The following TOX3 variants were observed in gnomAD, a reference collection of about 807,000 sequenced individuals.
The protein encoded by TOX3 is TOX high mobility group box family member 3, also known as CAG trinucleotide repeat-containing gene F9 protein.
A neutral mutation model predicts 64.3 loss-of-function variants in TOX3; 22 were observed. The ratio of observed to expected loss-of-function variants is 0.34; its 90% CI spans 0.24 to 0.49. The LOEUF (loss-of-function observed/expected upper bound fraction) is 0.49. TOX3 is among the 20% of genes least tolerant of loss of function. The pLI, the probability that TOX3 is intolerant of heterozygous loss-of-function variation, is 0.99. For missense variants in TOX3, 661 were observed against 714.4 expected (o/e 0.93, Z 0.85); for synonymous variants, 291 against 273.6 (o/e 1.06, Z -0.63).
chr16:52,519,572 C>T, intron 1 of TOX3: 2 of 1,476,866 alleles, frequency 1.4e-6, no homozygotes, highest in Non-Finnish European at 9.0e-7. Flanking sequence ...GAGAGAAATG[C>T]ATCCTAGCTG....
intron 1 of TOX3, among the ~76,000 whole-genome samples, chr16:52,543,087 A>G (rs1480209556): frequency 6.6e-6 from 1 of 152,216 alleles, no homozygotes; most frequent in African/African-American, 2.4e-5. Flanking sequence ...AAATATGCAG[A>G]AATAGCTAGT....
At chr16:52,533,276 A>G (rs1240325787) in intron 1 of TOX3, among the ~76,000 whole-genome samples, 6 of 152,116 alleles carry the variant, frequency 3.9e-5, no homozygotes, top group African/African-American at 1.2e-4. Flanking sequence ...TCTCAGGCCC[A>G]CCCCAGACCC....
intron 5 of TOX3, 86 bp from the exon 6 acceptor site, chr16:52,444,442 C>T (rs1960104066): frequency 1.7e-6 from 2 of 1,164,126 alleles, no homozygotes; most frequent in East Asian, 2.7e-5. Flanking sequence ...GTCACATAAA[C>T]ACAACTCACA....
chr16:52,450,658 C>T, intron 3 of TOX3, 112 bp from the exon 4 acceptor site: 1 of 1,340,272 alleles, frequency 7.5e-7, no homozygotes, highest in Non-Finnish European at 1.0e-6. Context: ...GTTGATAGGT[C>T]TGACCTATTG....
intron 2 of TOX3, among the ~76,000 whole-genome samples, chr16:52,465,477 T>G (rs112274190): frequency 0.018 from 2,690 of 148,578 alleles, 88 homozygotes; most frequent in African/African-American, 0.063. Flanking sequence ...TTGGTTTTTT[T>G]TTTTTTTTTT....
chr16:52,486,721 C>T (rs1480497285), intron 1 of TOX3, among the ~76,000 whole-genome samples: 1 of 152,098 alleles, frequency 6.6e-6, no homozygotes, highest in African/African-American at 2.4e-5. Context: ...CAGCTGAGCC[C>T]TGGAGTTCGA....
chr16:52,532,531 G>A (rs1244429308), intron 1 of TOX3, among the ~76,000 whole-genome samples: 1 of 152,216 alleles, frequency 6.6e-6, no homozygotes, highest in Non-Finnish European at 1.5e-5. Context: ...AAACACATAA[G>A]AGACCCAGAA....
intron 1 of TOX3, among the ~76,000 whole-genome samples, chr16:52,519,832 C>T (rs373223509): frequency 1.8e-3 from 271 of 151,940 alleles, no homozygotes; most frequent in African/African-American, 6.0e-3. Flanking sequence ...CAGGGTGGCA[C>T]GCATCCACAG....
chr16:52,506,450 G>C (rs1331654640), intron 1 of TOX3, among the ~76,000 whole-genome samples: 1 of 152,110 alleles, frequency 6.6e-6, no homozygotes, highest in Non-Finnish European at 1.5e-5. Context: ...ACCAAGCAAT[G>C]TATCAGATTG....
At chr16:52,450,821 GA>G (rs1960320180) in intron 3 of TOX3, among the ~76,000 whole-genome samples, 1 of 55,846 alleles carries the variant, frequency 1.8e-5, no homozygotes, top group African/African-American at 5.4e-5. Flanking sequence ...AGGAAGGAAG[GA>G]AGGAAGGAAG....
At chr16:52,463,102 T>C (rs1960742197) in intron 3 of TOX3, among the ~76,000 whole-genome samples, 1 of 152,176 alleles carries the variant, frequency 6.6e-6, no homozygotes, top group African/African-American at 2.4e-5. Context: ...AGAGGATTTG[T>C]TTTTTGTTAT....
At position 52,546,819 on chromosome 16, in the gene TOX3, C is replaced by A; in HGVS notation, c.-96G>T. 7.8e-7 allele frequency: 1 copy of A among 1,276,042 alleles called. No individual in the cohort carries two copies. 79.0% of individuals were successfully genotyped at this position (1,276,042 alleles called of 1,614,324 possible). A position where few individuals can be genotyped will look rare whatever the true frequency, so the allele number is the denominator to read the frequency against. On this transcript the variant is annotated 5_prime_UTR_variant, in exon 1 of 7. Transcript: ENST00000219746. ...CGCTAGATCCACCGTCGAGGGCGCC[C>A]GGGGGTGGCGCGTGGGACTCGCGGC...
At chr16:52,469,790 T>G (rs1376192960) in intron 1 of TOX3, among the ~76,000 whole-genome samples, 1 of 152,120 alleles carries the variant, frequency 6.6e-6, no homozygotes, top group Non-Finnish European at 1.5e-5. Flanking sequence ...AACTAACACT[T>G]ATTTCTGGGG....
intron 1 of TOX3, among the ~76,000 whole-genome samples, chr16:52,539,446 G>C (rs931657811): frequency 2.0e-5 from 3 of 152,180 alleles, no homozygotes; most frequent in Non-Finnish European, 4.4e-5. Context: ...CACATTCCTT[G>C]TTTATGTCAT....
Position 52,439,603 on chromosome 16 carries a change from C to CTGTTGT in TOX3, c.1352_1353insACAACA (p.Gln454_Gln455dup). On this transcript the variant is annotated inframe_insertion, in exon 7 of 7. Coordinates refer to ENST00000219746, the MANE Select transcript of TOX3 (RefSeq NM_001080430.4). ...GCATCTGTTGCATCTGTTGTTGTTG[C>CTGTTGT]TGCTGCTGCTGCTGCTGCAATTGCA... 1 of 1,501,476 alleles carries CTGTTGT rather than the reference C, an allele frequency of 6.7e-7. No individual in the cohort carries two copies. Among genetic ancestry groups the CTGTTGT allele is most frequent in the Non-Finnish European group, 9.2e-7 (1 of 1,086,198 alleles). The allele number at this position is 1,501,476 out of a possible 1,614,324, so 93.0% of individuals were successfully genotyped here. A position where few individuals can be genotyped will look rare whatever the true frequency, so the allele number is the denominator to read the frequency against.
intron 1 of TOX3, among the ~76,000 whole-genome samples, chr16:52,519,737 C>A (rs1290818445): frequency 6.6e-6 from 1 of 151,982 alleles, no homozygotes; most frequent in Non-Finnish European, 1.5e-5. Flanking sequence ...ACAGCAGGAG[C>A]TCTTGGGCCT....
intron 1 of TOX3, among the ~76,000 whole-genome samples, chr16:52,476,645 A>G (rs1961215976): frequency 6.6e-6 from 1 of 152,150 alleles, no homozygotes; most frequent in Non-Finnish European, 1.5e-5. Flanking sequence ...CAATGGTAAC[A>G]CATATGTTGT....
rs1959846761 is a variant in TOX3 at position 52,439,128 on chromosome 16, G to A, written c.*97C>T. On this transcript the variant is annotated 3_prime_UTR_variant, in exon 7 of 7. Coordinates refer to ENST00000219746, the MANE Select transcript of TOX3 (RefSeq NM_001080430.4). ...ACCGTTTGATCTGTTACACATTTCT[G>A]CATAACCAACACCAACTTACAGGTT... is the stretch of plus-strand genomic sequence containing the variant. The A allele has an allele frequency of 1.3e-6, 2 of 1,551,368 alleles. No homozygotes were observed. The highest frequency in any genetic ancestry group is 1.8e-5 in the Admixed American group (1 of 54,276).
chr16:52,512,944 A>C (rs1596845738), intron 1 of TOX3, among the ~76,000 whole-genome samples: 1 of 152,376 alleles, frequency 6.6e-6, no homozygotes, highest in South Asian at 2.1e-4. Context: ...CGAAAACAAT[A>C]AATAATACCT....
Sources: gnomAD v4.1 joint callset for allele counts (sites outside exome capture counted in the v4.1 genomes callset) on GRCh38, gnomAD v4.1.1 for gene constraint, MANE v1.5 for transcripts, NCBI Gene and HGNC (gene_info 2026-07-23, HGNC 2026-07-21) for gene names.